The following IQSEC1 variants were observed in gnomAD, a reference collection of about 807,000 sequenced individuals.
IQSEC1 encodes the protein IQ motif and Sec7 domain ArfGEF 1.
In IQSEC1, 31 loss-of-function variants were observed where a neutral mutation model predicts 91.0. The ratio of observed to expected loss-of-function variants is 0.34; its 90% CI spans 0.26 to 0.46. The LOEUF (loss-of-function observed/expected upper bound fraction) is 0.46. Among genes scored for constraint, IQSEC1 ranks in the 20% least tolerant of loss-of-function variants. The pLI is 1.00. For synonymous variants in IQSEC1, 699 were observed against 662.6 expected (o/e 1.05, Z -0.84); for missense variants, 1,388 against 1,575.6 (o/e 0.88, Z 2.02).
chr3:13,044,071 G>T (rs1396214764), intron 1 of IQSEC1, among the ~76,000 whole-genome samples: 1 of 152,176 alleles, frequency 6.6e-6, no homozygotes, highest in African/African-American at 2.4e-5. Flanking sequence ...AGCTTCCAAG[G>T]GCCAGGCTGG....
At chr3:13,187,213 C>A (rs1049022677) in intron 1 of IQSEC1, among the ~76,000 whole-genome samples, 1 of 152,168 alleles carries the variant, frequency 6.6e-6, no homozygotes, top group Non-Finnish European at 1.5e-5. Flanking sequence ...TGGAGATGCA[C>A]CAAGCCCCTC....
chr3:13,005,828 TC>T (rs1168783911), intron 1 of IQSEC1, among the ~76,000 whole-genome samples: 3 of 151,900 alleles, frequency 2.0e-5, no homozygotes, highest in Non-Finnish European at 2.9e-5. Flanking sequence ...GATTTGAGGG[TC>T]CCCCTTGCAG....
chr3:12,935,732 G>A lies in IQSEC1; in HGVS notation c.1284C>T (p.Pro428=). Residue 428 remains proline (P), a synonymous_variant, in exon 3 of 14, where the codon CCC becomes CCT. Coordinates refer to ENST00000613206, the MANE Select transcript of IQSEC1 (RefSeq NM_001134382.3). The surrounding 1 kb of genome is among the most constrained non-coding windows in gnomAD (Gnocchi z 8.0). ...TGGCCAAGTGGCTGTCCAGGGGCCTGGGGGGCCGGGGCCGCAACTCAGGCT... is the reference window on the plus strand; with the variant it reads ...TGGCCAAGTGGCTGTCCAGGGGCCTAGGGGGCCGGGGCCGCAACTCAGGCT... The part of the protein sequence containing the change: ...REEPELRPRP[P]RPLDSHLAIN... 1 of 1,611,330 alleles carries A rather than the reference G, an allele frequency of 6.2e-7. No individual in the cohort carries two copies. Among genetic ancestry groups the A allele is most frequent in the Non-Finnish European group, 8.5e-7 (1 of 1,179,840 alleles).
intron 1 of IQSEC1, among the ~76,000 whole-genome samples, chr3:13,045,519 G>A (rs902617962): frequency 2.0e-5 from 3 of 152,202 alleles, no homozygotes; most frequent in Admixed American, 2.0e-4. Context: ...AGGCACTGGG[G>A]CATTGGCTCT....
At position 12,920,562 on chromosome 3, in the gene IQSEC1, G is replaced by T; in HGVS notation, c.1888C>A (p.Arg630=). The change falls in exon 6 of 14, where the codon CGG becomes AGG. Residue 630 remains arginine (R), a synonymous_variant. Transcript: ENST00000613206. The part of the protein sequence containing the change: ...RYCICNPGVV[R]QFRNPDTIFI... The stretch of plus-strand genomic sequence containing the variant: ...ATGGTGTCTGGGTTCCGGAATTGCC[G>T]CACCACCCCAGGGTTGCAGATGCAG... 6.2e-7 allele frequency: 1 copy of T among 1,614,128 alleles called. No homozygotes were observed. Among genetic ancestry groups the T allele is most frequent in the Non-Finnish European group, 8.5e-7 (1 of 1,180,024 alleles).
At position 12,926,389 on chromosome 3, in the gene IQSEC1, G is replaced by A. The variant is rs62242670; in HGVS notation, c.1569-1647C>T. On this transcript the variant is annotated intron_variant, in intron 3 of 13. Coordinates refer to ENST00000613206, the MANE Select transcript of IQSEC1 (RefSeq NM_001134382.3). ...GGCCACATGTGACCCTGAAGGATGG[G>A]TGTCCTCTCTGGAGTTTGCCAGGCC... 5.8e-3 allele frequency among the ~76,000 whole-genome samples: 876 copies of A among 152,288 alleles called. 4 individuals carry two copies. Among genetic ancestry groups the A allele is most frequent in the Non-Finnish European group, 9.8e-3 (669 of 68,016 alleles).
Position 12,924,530 on chromosome 3 carries a change from G to C in IQSEC1, c.1730+51C>G. ...TGTGCCCACGGGTAACACAGGGTGCGTGAGGGCGTGTGTGGAATCAGGTCC... is the reference window on the plus strand; with the variant it reads ...TGTGCCCACGGGTAACACAGGGTGCCTGAGGGCGTGTGTGGAATCAGGTCC... On this transcript the variant is annotated intron_variant, in intron 4 of 13. Coordinates refer to ENST00000613206, the MANE Select transcript of IQSEC1 (RefSeq NM_001134382.3). The surrounding 1 kb of genome is among the most constrained non-coding windows in gnomAD (Gnocchi z 6.3). 1.3e-6 allele frequency: 2 copies of C among 1,528,504 alleles called. No homozygotes were observed. Among genetic ancestry groups the C allele is most frequent in the Non-Finnish European group, 1.8e-6 (2 of 1,127,484 alleles). The allele number at this position is 1,528,504 out of a possible 1,614,324, so 94.7% of individuals were successfully genotyped here.
chr3:13,139,331 G>A (rs192316946), intron 2 of IQSEC1, among the ~76,000 whole-genome samples: 22 of 152,324 alleles, frequency 1.4e-4, no homozygotes, highest in African/African-American at 4.3e-4. Context: ...TTTGGAGTCC[G>A]TAATTTCCTC....
At chr3:12,952,594 G>A (rs905825129) in intron 1 of IQSEC1, among the ~76,000 whole-genome samples, 5 of 152,042 alleles carry the variant, frequency 3.3e-5, no homozygotes, top group African/African-American at 2.4e-5. Flanking sequence ...CTCATTTGGC[G>A]GGACCCAGGA....
intron 1 of IQSEC1, among the ~76,000 whole-genome samples, chr3:13,230,567 A>G (rs557403599): frequency 1.4e-4 from 22 of 151,980 alleles, no homozygotes; most frequent in African/African-American, 5.3e-4. Flanking sequence ...GACCCCTTCT[A>G]CCTCTTGGTA....
chr3:12,909,785 G>A lies in IQSEC1; in HGVS notation c.2417-351C>T, dbSNP rs1039596872. ...ACAGCAGTGAGCGCCATATTCTCCC[G>A]AATGGCCTGTGGCCCACAGCTCCCA... On this transcript the variant is annotated intron_variant, in intron 10 of 13. Transcript: ENST00000613206. This position sits in a 1 kb window ranked among gnomAD's most constrained non-coding sequence, Gnocchi z 4.9. Among the ~76,000 whole-genome samples the A allele has an allele frequency of 6.6e-6, 1 of 152,192 alleles. No homozygotes were observed. Among genetic ancestry groups the A allele is most frequent in the Non-Finnish European group, 1.5e-5 (1 of 68,020 alleles).
intron 3 of IQSEC1, among the ~76,000 whole-genome samples, chr3:12,931,539 C>G (rs1697676676): frequency 1.3e-5 from 2 of 152,246 alleles, no homozygotes; most frequent in African/African-American, 4.8e-5. Context: ...CAGGCCGGCT[C>G]TGCTCACTGC....
intron 2 of IQSEC1, among the ~76,000 whole-genome samples, chr3:13,114,680 C>G (rs938667386): frequency 6.6e-6 from 1 of 151,186 alleles, no homozygotes; most frequent in African/African-American, 2.4e-5. Context: ...GTAATCCCAG[C>G]TACTCAGGAG....
At position 12,936,593 on chromosome 3, in the gene IQSEC1, C is replaced by T. The variant is rs746564699; in HGVS notation, c.423G>A (p.Glu141=). ...TCTCTGACATGGAGCTGCGCAAGCG[C>T]TCGAAGTTCTTGTTCATCTGGTACT... The part of the protein sequence containing the change: ...FRQYQMNKNF[E]RLRSSMSENR... The change falls in exon 3 of 14, where the codon GAG becomes GAA. Residue 141 remains glutamate (E), a synonymous_variant. Coordinates refer to ENST00000613206, the MANE Select transcript of IQSEC1 (RefSeq NM_001134382.3). The T allele has an allele frequency of 2.5e-6, 4 of 1,613,222 alleles. No homozygotes were observed. Among genetic ancestry groups the T allele is most frequent in the South Asian group, 2.2e-5 (2 of 91,060 alleles).
chr3:13,267,538 G>A (rs966752468), intron 1 of IQSEC1, among the ~76,000 whole-genome samples: 1 of 152,010 alleles, frequency 6.6e-6, no homozygotes, highest in African/African-American at 2.4e-5. Context: ...ATGAAAATCT[G>A]GAAAAACGGA....
At position 13,282,068 on chromosome 3, in the gene IQSEC1, G is replaced by A. The variant is rs1695802371; in HGVS notation, c.272+643C>T. On this transcript the variant is annotated intron_variant, in intron 1 of 15. Coordinates refer to the IQSEC1 transcript ENST00000648114. The surrounding 1 kb of genome is among the most constrained non-coding windows in gnomAD (Gnocchi z 6.4). ...GGGTCCAGGGCTGCTGGACAGCCCCGCCCTGTACCTCTCCCCATCCCTCAC... is the reference window on the plus strand; with the variant it reads ...GGGTCCAGGGCTGCTGGACAGCCCCACCCTGTACCTCTCCCCATCCCTCAC... Among the ~76,000 whole-genome samples the A allele has an allele frequency of 6.6e-6, 1 of 152,182 alleles. No homozygotes were observed. The highest frequency in any genetic ancestry group is 1.5e-5 in the Non-Finnish European group (1 of 68,014).
At chr3:12,950,868 G>A (rs1296259368) in intron 1 of IQSEC1, among the ~76,000 whole-genome samples, 3 of 151,758 alleles carry the variant, frequency 2.0e-5, no homozygotes, top group Non-Finnish European at 2.9e-5. Flanking sequence ...GGATGGTCTC[G>A]ATCTCCTGAC....
chr3:13,042,073 A>T (rs1380474172), intron 1 of IQSEC1, among the ~76,000 whole-genome samples: 1 of 152,272 alleles, frequency 6.6e-6, no homozygotes, highest in Non-Finnish European at 1.5e-5. Context: ...CTTTCTCTGC[A>T]GAAACTCTAC....
intron 1 of IQSEC1, among the ~76,000 whole-genome samples, chr3:13,249,710 G>A (rs575463845): frequency 3.3e-5 from 5 of 152,140 alleles, no homozygotes; most frequent in Non-Finnish European, 7.3e-5. Flanking sequence ...AAAACGAGGT[G>A]GGGGAGCCGG....
Sources: gnomAD v4.1 joint callset for allele counts (sites outside exome capture counted in the v4.1 genomes callset) on GRCh38, gnomAD v4.1.1 for gene constraint, Gnocchi (gnomAD v3.1) non-coding constraint, MANE v1.5 for transcripts, NCBI Gene and HGNC (gene_info 2026-07-23, HGNC 2026-07-21) for gene names.